The following EARS2 variants were observed in gnomAD, a reference collection of about 807,000 sequenced individuals.
EARS2 encodes the protein glutamyl-tRNA synthetase 2, mitochondrial.
A neutral mutation model predicts 54.1 loss-of-function variants in EARS2; 50 were observed. That is an observed-to-expected ratio of 0.92 (90% confidence interval 0.74 to 1.17). The LOEUF (loss-of-function observed/expected upper bound fraction) is 1.17. Among genes scored for constraint, EARS2 ranks in the 50% most tolerant of loss-of-function variants. The probability of loss-of-function intolerance (pLI) is 0.00; values close to 1 mark genes in which losing one functional copy is unlikely to be tolerated. For synonymous variants in EARS2, 298 were observed against 281.0 expected (o/e 1.06, Z -0.61); for missense variants, 673 against 675.0 (o/e 1.00, Z 0.03).
intron 3 of EARS2, chr16:23,537,608 C>T (rs72776122): frequency 0.066 from 10,038 of 152,102 alleles, 485 homozygotes; most frequent in Non-Finnish European, 0.096. Context: ...GTCTCACTCT[C>T]GTTGATCAGG....
chr16:23,526,016 T>A lies in EARS2; in HGVS notation c.1353-637A>T, dbSNP rs201157719. ...TTGTTTCAAAATAAAAAAAAAAAAA[T>A]AATAGTATCTGTCCTGCACAAGGCT... is the stretch of plus-strand genomic sequence containing the variant. On this transcript the variant is annotated intron_variant, in intron 7 of 8. Coordinates refer to ENST00000449606, the MANE Select transcript of EARS2 (RefSeq NM_001083614.2). Among the ~76,000 whole-genome samples the A allele has an allele frequency of 9.2e-3, 1,210 of 131,122 alleles. 43 individuals are homozygous for A. Among genetic ancestry groups the A allele is most frequent in the Admixed American group, 0.067 (875 of 13,076 alleles). The allele number at this position is 131,122 out of a possible 152,430, so 86.0% of individuals were successfully genotyped here.
rs896221431 is a variant in EARS2 at position 23,522,578 on chromosome 16, C to G, written c.*1793G>C. 6.6e-6 allele frequency: 1 copy of G among 151,996 alleles called. No individual in the cohort carries two copies. Among genetic ancestry groups the G allele is most frequent in the African/African-American group, 2.4e-5 (1 of 41,348 alleles). The allele number at this position is 151,996 out of a possible 1,614,324, so 9.4% of individuals were successfully genotyped here. Reference sequence around the variant, plus strand: ...TTGCAACCAACGAACTTAATGGATTCTGTATTAGAAAGAACTGGTATATTT... The same window carrying G: ...TTGCAACCAACGAACTTAATGGATTGTGTATTAGAAAGAACTGGTATATTT... On this transcript the variant is annotated 3_prime_UTR_variant, in exon 9 of 9. Transcript: ENST00000449606.
intron 1 of EARS2, among the ~76,000 whole-genome samples, chr16:23,554,485 G>A (rs758472103): frequency 2.0e-5 from 3 of 152,012 alleles, no homozygotes; most frequent in Non-Finnish European, 4.4e-5. Context: ...ACCTCTTACC[G>A]TACCTTCTTC....
Position 23,557,259 on chromosome 16 carries a change from G to T in EARS2, c.85C>A (p.Leu29Met), listed in dbSNP as rs1443498741. ...GRPVGRREAN[L>M]GTDAGVAVRV... ...ACCGCAACCCCGGCATCAGTGCCCAGGTTGGCCTCGCGCCGTCCTACGGGG... is the reference window on the plus strand; with the variant it reads ...ACCGCAACCCCGGCATCAGTGCCCATGTTGGCCTCGCGCCGTCCTACGGGG... Residue 29 changes from leucine (L) to methionine (M), a missense_variant, in exon 1 of 9, where the codon CTG (leucine) becomes ATG (methionine). Physicochemically the swap from Leu to Met is conservative, Grantham distance 15 (BLOSUM62 2). Coordinates refer to ENST00000449606, the MANE Select transcript of EARS2 (RefSeq NM_001083614.2). The T allele has an allele frequency of 1.3e-6, 2 of 1,523,592 alleles. No individual in the cohort carries two copies. Among genetic ancestry groups the T allele is most frequent in the Non-Finnish European group, 1.7e-6 (2 of 1,145,542 alleles). 94.4% of individuals were successfully genotyped at this position (1,523,592 alleles called of 1,614,324 possible). A position where few individuals can be genotyped will look rare whatever the true frequency, so the allele number is the denominator to read the frequency against.
chr16:23,528,762 G>A (rs551750461), intron 7 of EARS2, among the ~76,000 whole-genome samples: 12 of 152,348 alleles, frequency 7.9e-5, no homozygotes, highest in Admixed American at 2.6e-4. Context: ...TTAGTTGGGC[G>A]TGGTGGCTTG....
At chr16:23,549,924 GCTC>G (rs896095807) in intron 2 of EARS2, among the ~76,000 whole-genome samples, 3 of 152,104 alleles carry the variant, frequency 2.0e-5, no homozygotes, top group African/African-American at 7.2e-5. Context: ...CACGGGGCTG[GCTC>G]CTCACTTCAT....
Position 23,544,703 on chromosome 16 carries a change from C to T in EARS2, c.296G>A (p.Gly99Asp). Residue 99 changes from glycine (G) to aspartate (D), a missense_variant and splice_region_variant, in exon 3 of 9, where the codon GGC becomes GAC. By Grantham distance (94) the Gly-to-Asp change is moderately conservative. This residue lies in a region of EARS2 where 316 missense variants were observed against 275.2 expected (regional missense o/e 1.15). Transcript: ENST00000449606. ...ENIEDMLEWA[G>D]IPPDESPRRG... The stretch of plus-strand genomic sequence containing the variant: ...GCGGGGGCTCTCATCAGGCGGGATG[C>T]CTGGAACACAGGGAATAATGACAGC... 1.3e-6 allele frequency: 2 copies of T among 1,596,724 alleles called. No homozygotes were observed. The highest frequency in any genetic ancestry group is 1.7e-6 in the Non-Finnish European group (2 of 1,172,790).
chr16:23,541,389 C>T (rs566677512), intron 3 of EARS2, among the ~76,000 whole-genome samples: 180 of 152,086 alleles, frequency 1.2e-3, no homozygotes, highest in African/African-American at 4.1e-3. Context: ...TTTGTTAAGA[C>T]GAAACTGATT....
rs201929423 is a variant in EARS2, at chr16:23,552,181, G to T, written c.263C>A (p.Ala88Glu). The change falls in exon 2 of 9, where the codon GCG becomes GAG. Residue 88 changes from alanine to glutamate, a missense_variant. Around this residue, in one of 3 missense-constraint regions of EARS2, gnomAD observed 316 missense variants for 275.2 expected, o/e 1.15. Coordinates refer to ENST00000449606, the MANE Select transcript of EARS2 (RefSeq NM_001083614.2). ...CTCCAGCATGTCCTCAATATTCTCC[G>T]CTGCCCCAGGCACAACGCGAGTCTG... ...TDQTRVVPGA[A>E]ENIEDMLEWA... 2.0e-3 allele frequency: 3,228 copies of T among 1,614,046 alleles called. 6 individuals are homozygous for T. The highest frequency in any genetic ancestry group is 2.5e-3 in the Non-Finnish European group (2,995 of 1,179,954).
rs200036419 is a variant in EARS2, at chr16:23,523,984, ATC to A, written c.*385_*386del. ...CTAGCCTCCAAATGTGAGAAAATAAATCTCTGTTGTTTAAACCACCTGGTTCT... is the reference window on the plus strand; with the variant it reads ...CTAGCCTCCAAATGTGAGAAAATAAATCTGTTGTTTAAACCACCTGGTTCT... On this transcript the variant is annotated 3_prime_UTR_variant, in exon 9 of 9. Transcript: ENST00000449606. 0.024 allele frequency: 2,220 copies of A among 92,276 alleles called. 59 individuals are homozygous for A. Among genetic ancestry groups the A allele is most frequent in the African/African-American group, 0.074 (2,077 of 28,106 alleles). 5.7% of individuals were successfully genotyped at this position (92,276 alleles called of 1,614,324 possible).
At position 23,544,651 on chromosome 16, in the gene EARS2, C is replaced by T; in HGVS notation, c.348G>A (p.Gln116=). The change falls in exon 3 of 9, where the codon CAG becomes CAA. Residue 116 remains glutamine (Q), a synonymous_variant. Transcript: ENST00000449606. ...CATACAGCTCCAACCGCTGAGATTG[C>T]TGGTAGGGCCCAGCAGGACCGCCCC... ...PRRGGPAGPY[Q]QSQRLELYAQ... is the part of the protein sequence containing the mutation. The T allele has an allele frequency of 1.9e-6, 3 of 1,611,048 alleles. No individual in the cohort carries two copies. The highest frequency in any genetic ancestry group is 2.5e-6 in the Non-Finnish European group (3 of 1,179,148).
chr16:23,552,387 G>C, intron 1 of EARS2, 83 bp from the exon 2 acceptor site: 1 of 1,434,568 alleles, frequency 7.0e-7, no homozygotes, highest in South Asian at 1.2e-5. Flanking sequence ...TACTGTGACA[G>C]AATGTTGCAA....
In EARS2 at chr16:23,544,598, G is replaced by A. The variant is rs775583015; in HGVS notation, c.401C>T (p.Thr134Ile). The change falls in exon 3 of 9, where the codon ACC becomes ATC. Residue 134 changes from threonine to isoleucine, a missense_variant. By Grantham distance (89) the Thr-to-Ile change is moderately conservative. Coordinates refer to ENST00000449606, the MANE Select transcript of EARS2 (RefSeq NM_001083614.2). ...YAQATEALLK[T>I]GAAYPCFCSP... is the part of the protein sequence containing the mutation. The stretch of plus-strand genomic sequence containing the variant: ...GCAGAAACAGGGGTAAGCAGCTCCG[G>A]TCTTCAGCAGCGCTTCTGTGGCCTG... The A allele has an allele frequency of 1.3e-5, 21 of 1,613,924 alleles. No homozygotes were observed. The East Asian group carries it at 4.5e-4, about 34-fold the overall frequency.
At chr16:23,540,016 T>C (rs761529694) in intron 3 of EARS2, among the ~76,000 whole-genome samples, 8 of 152,090 alleles carry the variant, frequency 5.3e-5, no homozygotes, top group Non-Finnish European at 8.8e-5. Context: ...TTGCCGGGCA[T>C]GGCGGCACAC....
chr16:23,542,221 T>A (rs987675733), intron 3 of EARS2, among the ~76,000 whole-genome samples: 19 of 151,842 alleles, frequency 1.3e-4, no homozygotes, highest in African/African-American at 4.6e-4. Context: ...CTCGAACTTC[T>A]GACCTCAAGT....
rs766195572 is a variant in EARS2, at chr16:23,529,903, G to A, written c.1068-6C>T. 6.2e-7 allele frequency: 1 copy of A among 1,613,852 alleles called. No individual in the cohort carries two copies. The highest frequency in any genetic ancestry group is 8.5e-7 in the Non-Finnish European group (1 of 1,179,938). ...CCAGCCGCTGGAGGTGCAGTCTGCG[G>A]AAGAAATCAAGGGGCTGCCCTGCTG... On this transcript the variant is annotated splice_polypyrimidine_tract_variant and splice_region_variant and intron_variant, in intron 5 of 8. Coordinates refer to ENST00000449606, the MANE Select transcript of EARS2 (RefSeq NM_001083614.2).
At chr16:23,526,871 C>T (rs1305194455) in intron 7 of EARS2, among the ~76,000 whole-genome samples, 4 of 152,178 alleles carry the variant, frequency 2.6e-5, no homozygotes, top group Admixed American at 6.5e-5. Flanking sequence ...AAATTTGCCT[C>T]GGCCCTGATT....
intron 3 of EARS2, among the ~76,000 whole-genome samples, chr16:23,541,193 G>A (rs1965505893): frequency 6.6e-6 from 1 of 151,916 alleles, no homozygotes; most frequent in Non-Finnish European, 1.5e-5. Flanking sequence ...AGGGTGTGGT[G>A]GCGGGCACCT....
chr16:23,525,500 G>A, intron 7 of EARS2, 121 bp from the exon 8 acceptor site: 1 of 1,167,904 alleles, frequency 8.6e-7, no homozygotes, highest in South Asian at 1.5e-5. Flanking sequence ...GTTCAAGCCT[G>A]TTTTGAGGGA....
Sources: allele counts gnomAD v4.1 joint callset (sites outside exome capture counted in the v4.1 genomes callset), GRCh38; gene constraint gnomAD v4.1.1; regional missense constraint gnomAD v4.1.1; transcripts MANE v1.5; gene names NCBI Gene and HGNC (gene_info 2026-07-23, HGNC 2026-07-21).